The following ZFPM2 variants were observed in gnomAD, a reference collection of about 807,000 sequenced individuals.
ZFPM2 encodes zinc finger protein ZFPM2.
ZFPM2 carries 20 observed loss-of-function variants against 98.6 expected under a neutral mutation model. The ratio of observed to expected loss-of-function variants is 0.20; its 90% confidence interval spans 0.14 to 0.29. ZFPM2 has a LOEUF of 0.29. ZFPM2 is among the 10% of genes least tolerant of loss of function. ZFPM2 has a pLI of 1.00. For synonymous variants in ZFPM2, 518 were observed against 502.7 expected (o/e 1.03, Z -0.41); for missense variants, 1,310 against 1,388.6 (o/e 0.94, Z 0.90).
intron 4 of ZFPM2, among the ~76,000 whole-genome samples, chr8:105,569,970 T>C (rs1192878394): frequency 1.3e-5 from 2 of 152,164 alleles, no homozygotes; most frequent in African/African-American, 4.8e-5. Flanking sequence ...AATGTACTGA[T>C]TCCTCTAATT....
In ZFPM2 at chr8:105,480,439, A is replaced by G. The variant is rs142794069; in HGVS notation, c.301+36058A>G. Among the ~76,000 whole-genome samples, 25 of 152,322 alleles carry G rather than the reference A, an allele frequency of 1.6e-4. No individual in the cohort carries two copies. In the East Asian group the frequency reaches 4.8e-3, roughly 29 times the overall value. Reference sequence around the variant, plus strand: ...AACAATCTCAGGTATTGTCACCAGTATCATTGTAGAGTCCAGGTGCATGTG... The same window carrying G: ...AACAATCTCAGGTATTGTCACCAGTGTCATTGTAGAGTCCAGGTGCATGTG... On this transcript the variant is annotated intron_variant, in intron 3 of 7. Transcript: ENST00000407775.
At chr8:105,727,724 A>G (rs1412880898) in intron 5 of ZFPM2, among the ~76,000 whole-genome samples, 1 of 151,708 alleles carries the variant, frequency 6.6e-6, no homozygotes, top group Non-Finnish European at 1.5e-5. Flanking sequence ...AAAATAAATA[A>G]TTACCACTCA....
intron 1 of ZFPM2, among the ~76,000 whole-genome samples, chr8:105,350,415 G>A (rs1005862528): frequency 1.3e-5 from 2 of 152,062 alleles, no homozygotes; most frequent in South Asian, 2.1e-4. Context: ...CTACTCTAAA[G>A]GTTATGAAAT....
intron 5 of ZFPM2, among the ~76,000 whole-genome samples, chr8:105,774,328 C>CA (rs1173433856): frequency 2.0e-5 from 3 of 152,110 alleles, no homozygotes; most frequent in African/African-American, 7.2e-5. Flanking sequence ...ACACAAACAT[C>CA]AATTTATAAT....
chr8:105,734,260 G>A (rs1463521360), intron 5 of ZFPM2, among the ~76,000 whole-genome samples: 1 of 151,872 alleles, frequency 6.6e-6, no homozygotes, highest in Non-Finnish European at 1.5e-5. Flanking sequence ...CCCACAAATA[G>A]CCTTGCATCT....
Position 105,419,942 on chromosome 8 carries a change from A to G in ZFPM2, c.199+640A>G, listed in dbSNP as rs114177896. On this transcript the variant is annotated intron_variant, in intron 2 of 7. Coordinates refer to ENST00000407775, the MANE Select transcript of ZFPM2 (RefSeq NM_012082.4). ...CAGTGACTGTGTTCTCATGGAGCAT[A>G]TATACTCATTTGTTTACTTTTTTCA... Among the ~76,000 whole-genome samples the G allele has an allele frequency of 5.9e-3, 897 of 152,098 alleles. 10 individuals carry two copies. The highest frequency in any genetic ancestry group is 0.021 in the African/African-American group (860 of 41,390).
At position 105,802,664 on chromosome 8, in the gene ZFPM2, T is replaced by A. The variant is rs1201713988; in HGVS notation, c.2582T>A (p.Ile861Asn). The A allele has an allele frequency of 6.2e-7, 1 of 1,611,260 alleles. No individual in the cohort carries two copies. The change falls in exon 8 of 8, where the codon ATC becomes AAC. Residue 861 changes from isoleucine (I) to asparagine (N), a missense_variant. Ile to Asn is a moderately radical substitution (Grantham distance 149). Transcript: ENST00000407775. ...LDYHECTVCK[I>N]SFNKVENYLA... ...TATCACGAGTGCACTGTGTGCAAGA[T>A]CAGTTTCAATAAGGTAGAAAACTAT...
chr8:105,630,886 C>T (rs1172796760), intron 4 of ZFPM2, among the ~76,000 whole-genome samples: 2 of 152,090 alleles, frequency 1.3e-5, no homozygotes, highest in African/African-American at 4.8e-5. Context: ...AAAAACTCAT[C>T]CTAAATTGCC....
chr8:105,417,714 CTAATA>C (rs1464501961), intron 1 of ZFPM2, among the ~76,000 whole-genome samples: 1 of 152,048 alleles, frequency 6.6e-6, no homozygotes, highest in East Asian at 1.9e-4. Context: ...AAGATAAAAT[CTAATA>C]TGAGATGCAT....
chr8:105,584,120 T>C (rs1333529375), intron 4 of ZFPM2, among the ~76,000 whole-genome samples: 1 of 152,134 alleles, frequency 6.6e-6, no homozygotes, highest in Admixed American at 6.5e-5. Context: ...CTGAAATAAT[T>C]GTGCAGATGC....
chr8:105,424,014 G>C (rs1365038327), intron 2 of ZFPM2, among the ~76,000 whole-genome samples: 2 of 152,098 alleles, frequency 1.3e-5, no homozygotes, highest in Non-Finnish European at 2.9e-5. Flanking sequence ...AGGTGAGGGG[G>C]GTGAGGGATA....
chr8:105,427,918 C>G (rs747599861), intron 2 of ZFPM2, among the ~76,000 whole-genome samples: 39 of 152,156 alleles, frequency 2.6e-4, no homozygotes, highest in Non-Finnish European at 5.0e-4. Context: ...TGACTGCTCC[C>G]AAAAGTCAGA....
intron 1 of ZFPM2, among the ~76,000 whole-genome samples, chr8:105,412,399 A>G (rs1449268341): frequency 1.3e-5 from 2 of 151,844 alleles, no homozygotes; most frequent in Non-Finnish European, 2.9e-5. Flanking sequence ...GTTGGTACAG[A>G]TATAAAAAAG....
intron 2 of ZFPM2, among the ~76,000 whole-genome samples, chr8:105,421,291 AAAT>A (rs1811787772): frequency 6.6e-6 from 1 of 152,102 alleles, no homozygotes; most frequent in African/African-American, 2.4e-5. Context: ...GATGTACACA[AAAT>A]AATATTTAGT....
At chr8:105,449,072 C>T (rs1252138798) in intron 3 of ZFPM2, among the ~76,000 whole-genome samples, 1 of 151,918 alleles carries the variant, frequency 6.6e-6, no homozygotes, top group African/African-American at 2.4e-5. Context: ...AAACAAGCAC[C>T]TTAAAAGTCA....
intron 3 of ZFPM2, among the ~76,000 whole-genome samples, chr8:105,465,546 A>G (rs1305980692): frequency 6.6e-6 from 1 of 151,962 alleles, no homozygotes; most frequent in East Asian, 1.9e-4. Context: ...TAGAAATTAT[A>G]CTTGTAGACT....
chr8:105,673,234 G>T (rs1400402525), intron 5 of ZFPM2, among the ~76,000 whole-genome samples: 1 of 52,578 alleles, frequency 1.9e-5, no homozygotes, highest in African/African-American at 7.5e-5. Context: ...TATATACCTT[G>T]TCTAAAATTT....
chr8:105,744,605 C>G (rs1812300093), intron 5 of ZFPM2, among the ~76,000 whole-genome samples: 1 of 151,914 alleles, frequency 6.6e-6, no homozygotes, highest in Non-Finnish European at 1.5e-5. Context: ...CACATCCAAA[C>G]TAGGTGTGAG....
At position 105,370,181 on chromosome 8, in the gene ZFPM2, C is replaced by T. The variant is rs562458008; in HGVS notation, c.41-48963C>T. Among the ~76,000 whole-genome samples, 8 of 152,070 alleles carry T rather than the reference C, an allele frequency of 5.3e-5. No homozygotes were observed. The South Asian group carries it at 1.7e-3, about 32-fold the overall frequency. The stretch of plus-strand genomic sequence containing the variant: ...ATCCAGTGCAAAACTGGCATAGCAT[C>T]ATTGGGTGAGGGGGTAAGAAATAGA... On this transcript the variant is annotated intron_variant, in intron 1 of 7. Coordinates refer to ENST00000407775, the MANE Select transcript of ZFPM2 (RefSeq NM_012082.4).
Sources: gnomAD v4.1 joint callset for allele counts (sites outside exome capture counted in the v4.1 genomes callset) on GRCh38, gnomAD v4.1.1 for gene constraint, MANE v1.5 for transcripts, NCBI Gene and HGNC (gene_info 2026-07-23, HGNC 2026-07-21) for gene names.